The following HSD17B7 variants were observed in gnomAD, a reference collection of about 807,000 sequenced individuals.
HSD17B7 encodes hydroxysteroid 17-beta dehydrogenase 7, also known as 3-keto-steroid reductase/17-beta-hydroxysteroid dehydrogenase 7.
HSD17B7 carries 17 observed loss-of-function variants against 34.1 expected under a neutral mutation model. The ratio of observed to expected loss-of-function variants is 0.50; its 90% CI spans 0.34 to 0.75. The LOEUF is 0.75. Among genes scored for constraint, HSD17B7 ranks in the 30% least tolerant of loss-of-function variants. The probability of loss-of-function intolerance (pLI) is 0.01; values close to 1 mark genes in which losing one functional copy is unlikely to be tolerated. For missense variants in HSD17B7, 296 were observed against 406.6 expected (o/e 0.73, Z 2.34); for synonymous variants, 122 against 154.6 (o/e 0.79, Z 1.56).
intron 3 of HSD17B7, 84 bp from the exon 4 acceptor site, chr1:162,797,718 C>T (rs1028857380): frequency 7.1e-6 from 11 of 1,539,292 alleles, no homozygotes; most frequent in South Asian, 4.8e-5. Context: ...GTTTATGGGT[C>T]GGGGGGATGG....
rs374772172 is a variant in HSD17B7 at position 162,792,589 on chromosome 1, C to T, written c.36-70C>T. The T allele has an allele frequency of 3.2e-6, 5 of 1,544,552 alleles. No homozygotes were observed. In the African/African-American group the frequency reaches 5.5e-5, roughly 17 times the overall value. ...GGTCAACTTGACACAGTTTTCTGAACCAGAGAGAAATGCCTGTACCTGATG... is the reference window on the plus strand; with the variant it reads ...GGTCAACTTGACACAGTTTTCTGAATCAGAGAGAAATGCCTGTACCTGATG... On this transcript the variant is annotated intron_variant, in intron 1 of 8. Coordinates refer to ENST00000254521, the MANE Select transcript of HSD17B7 (RefSeq NM_016371.4).
At chr1:162,807,493 A>G (rs2102236984) in intron 8 of HSD17B7, among the ~76,000 whole-genome samples, 1 of 152,332 alleles carries the variant, frequency 6.6e-6, no homozygotes, top group East Asian at 1.9e-4. Flanking sequence ...ATACCCAGGA[A>G]TGGGATGGCT....
intron 8 of HSD17B7, among the ~76,000 whole-genome samples, chr1:162,807,989 A>G (rs1649042683): frequency 6.6e-6 from 1 of 152,078 alleles, no homozygotes. Context: ...CCATTTGTCA[A>G]TTTTGGCTTT....
chr1:162,800,018 T>C, intron 5 of HSD17B7, 81 bp downstream of exon 5: 1 of 1,187,648 alleles, frequency 8.4e-7, no homozygotes, highest in East Asian at 2.5e-5. Flanking sequence ...ATAAGGTAGC[T>C]GGCTTTCCAC....
In HSD17B7 at chr1:162,798,273, G is replaced by A. The variant is rs533397098; in HGVS notation, c.447+357G>A. On this transcript the variant is annotated intron_variant, in intron 4 of 8. Coordinates refer to ENST00000254521, the MANE Select transcript of HSD17B7 (RefSeq NM_016371.4). ...TTCTGCTACATTATTATTAACTAAA[G>A]TACACACTTTATTCAGGTTCTGTTT... The A allele has an allele frequency of 5.5e-3, 1,063 of 193,432 alleles. 11 individuals carry two copies. The highest frequency in any genetic ancestry group is 0.023 in the African/African-American group (989 of 42,754). The allele number at this position is 193,432 out of a possible 1,614,324, so 12.0% of individuals were successfully genotyped here.
chr1:162,796,546 A>G (rs1269644364), intron 2 of HSD17B7, 39 bp from the exon 3 acceptor site: 1 of 1,263,768 alleles, frequency 7.9e-7, no homozygotes, highest in South Asian at 1.2e-5. Flanking sequence ...TGATGTTTTT[A>G]CTTGCAACTC....
chr1:162,812,551 G>C lies in HSD17B7; in HGVS notation c.*131G>C. On this transcript the variant is annotated 3_prime_UTR_variant, in exon 9 of 9. Coordinates refer to ENST00000254521, the MANE Select transcript of HSD17B7 (RefSeq NM_016371.4). Reference sequence around the variant, plus strand: ...ATAATAGCTGGGTGTGGTGGCATGCGCATGTAGTCCCAGCTACTCAGAAGG... The same window carrying C: ...ATAATAGCTGGGTGTGGTGGCATGCCCATGTAGTCCCAGCTACTCAGAAGG... 1.2e-6 allele frequency: 1 copy of C among 803,652 alleles called. No individual in the cohort carries two copies. The highest frequency in any genetic ancestry group is 1.9e-6 in the Non-Finnish European group (1 of 532,698). 49.8% of individuals were successfully genotyped at this position (803,652 alleles called of 1,614,324 possible).
At chr1:162,793,341 A>G (rs557215385) in intron 2 of HSD17B7, among the ~76,000 whole-genome samples, 3 of 152,130 alleles carry the variant, frequency 2.0e-5, no homozygotes, top group Non-Finnish European at 4.4e-5. Context: ...CCAGTACCAC[A>G]TTTTCAGTCT....
At chr1:162,800,645 GTCTAAATTCTTACC>G (rs1274632326) in intron 5 of HSD17B7, among the ~76,000 whole-genome samples, 1 of 152,148 alleles carries the variant, frequency 6.6e-6, no homozygotes, top group African/African-American at 2.4e-5. Context: ...TGTTGCCCAG[GTCTAAATTCTTACC>G]TGGAAATCTC....
rs549341061 is a variant in HSD17B7, at chr1:162,792,809, G to A, written c.186G>A (p.Val62=). The A allele has an allele frequency of 1.2e-6, 2 of 1,614,192 alleles. No individual in the cohort carries two copies. The highest frequency in any genetic ancestry group is 1.1e-5 in the South Asian group (1 of 91,080). The change falls in exon 2 of 9, where the codon GTG becomes GTA. Residue 62 remains valine, a synonymous_variant. Coordinates refer to ENST00000254521, the MANE Select transcript of HSD17B7 (RefSeq NM_016371.4). ...CTGCTGAGGTCACCATTGTCCAGGT[G>A]GATGTCAGCAACCTGCAGTCGGTCT... ...HPTAEVTIVQ[V]DVSNLQSVFR...
At chr1:162,808,067 C>T (rs1234625350) in intron 8 of HSD17B7, among the ~76,000 whole-genome samples, 1 of 152,086 alleles carries the variant, frequency 6.6e-6, no homozygotes, top group Non-Finnish European at 1.5e-5. Context: ...AATAGTATTG[C>T]CTAGGTTTTC....
chr1:162,791,879 C>T (rs745315141), intron 1 of HSD17B7, among the ~76,000 whole-genome samples: 1 of 152,072 alleles, frequency 6.6e-6, no homozygotes, highest in Non-Finnish European at 1.5e-5. Context: ...TAACTATTAA[C>T]ATATTTGCCT....
At chr1:162,796,255 T>G (rs1648607414) in intron 2 of HSD17B7, among the ~76,000 whole-genome samples, 1 of 152,140 alleles carries the variant, frequency 6.6e-6, no homozygotes, top group Admixed American at 6.5e-5. Context: ...CTGCAATTCC[T>G]TATTGAGAGG....
intron 5 of HSD17B7, among the ~76,000 whole-genome samples, chr1:162,801,979 A>G (rs567202056): frequency 6.6e-6 from 1 of 152,258 alleles, no homozygotes; most frequent in Admixed American, 6.5e-5. Flanking sequence ...TTCTCAGCCA[A>G]TGACTTTTTC....
intron 5 of HSD17B7, among the ~76,000 whole-genome samples, chr1:162,801,559 T>C (rs2102234089): frequency 6.6e-6 from 1 of 152,268 alleles, no homozygotes; most frequent in Middle Eastern, 3.4e-3. Context: ...TGGGTATGTA[T>C]TTGTGTGCCT....
intron 4 of HSD17B7, chr1:162,798,577 G>A (rs7538367): frequency 0.075 from 11,510 of 154,326 alleles, 1,029 homozygotes; most frequent in African/African-American, 0.21. Flanking sequence ...TATCAAGGGT[G>A]TATGCTATCA....
intron 7 of HSD17B7, 24 bp from the exon 8 acceptor site, chr1:162,805,370 C>G: frequency 6.2e-7 from 1 of 1,610,554 alleles, no homozygotes; most frequent in Non-Finnish European, 8.5e-7. Context: ...AGAAACAAAT[C>G]ATTGACACAT....
At chr1:162,802,601 C>A (rs1571004941) in intron 5 of HSD17B7, among the ~76,000 whole-genome samples, 1 of 152,062 alleles carries the variant, frequency 6.6e-6, no homozygotes, top group African/African-American at 2.4e-5. Context: ...GTTAAACTGG[C>A]ACTTCCTATT....
chr1:162,807,970 A>G (rs1649042306), intron 8 of HSD17B7, among the ~76,000 whole-genome samples: 1 of 152,044 alleles, frequency 6.6e-6, no homozygotes, highest in African/African-American at 2.4e-5. Context: ...TCTTTAGTTT[A>G]ATTAGATCCC....
Sources: allele counts gnomAD v4.1 joint callset (sites outside exome capture counted in the v4.1 genomes callset), GRCh38; gene constraint gnomAD v4.1.1; transcripts MANE v1.5; gene names NCBI Gene and HGNC (gene_info 2026-07-23, HGNC 2026-07-21).